Variants in PLCL1 observed in about 807,000 individuals in gnomAD.
The protein encoded by PLCL1 is inactive phospholipase C-like protein 1.
A neutral mutation model predicts 84.4 loss-of-function variants in PLCL1; 41 were observed. The observed-to-expected ratio is 0.49, with a 90% CI of 0.38 to 0.63. PLCL1 has a LOEUF of 0.63. PLCL1 is among the 30% of genes least tolerant of loss of function. The pLI, the probability that PLCL1 is intolerant of heterozygous loss-of-function variation, is 0.00. For synonymous variants in PLCL1, 490 were observed against 488.3 expected, an observed-to-expected ratio of 1.00 and a Z score of -0.05; for missense variants, 1,206 against 1,367.8, an observed-to-expected ratio of 0.88 and a Z score of 1.87.
At chr2:197,837,113 C>T (rs1691208574) in intron 1 of PLCL1, among the ~76,000 whole-genome samples, 1 of 152,022 alleles carries the variant, frequency 6.6e-6, no homozygotes, top group Non-Finnish European at 1.5e-5. Flanking sequence ...AAAGGGAGGC[C>T]ACTTGTGCAT....
At chr2:198,062,907 G>T (rs561561081) in intron 1 of PLCL1, among the ~76,000 whole-genome samples, 1 of 152,216 alleles carries the variant, frequency 6.6e-6, no homozygotes, top group Admixed American at 6.5e-5. Flanking sequence ...AATCACCCTT[G>T]TCTTATTAAA....
In PLCL1 at chr2:197,813,843, T is replaced by A. The variant is rs569912543; in HGVS notation, c.240+8504T>A. On this transcript the variant is annotated intron_variant, in intron 1 of 5. Coordinates refer to ENST00000428675, the MANE Select transcript of PLCL1 (RefSeq NM_006226.4). ...ATCTAGCTCCAGAGGTTGCTTTTAA[T>A]CTTTATGCTATATGTTCTTATCCTC... Among the ~76,000 whole-genome samples the A allele has an allele frequency of 2.0e-5, 3 of 152,308 alleles. No individual in the cohort carries two copies. The South Asian group carries it at 6.2e-4, about 32-fold the overall frequency.
At chr2:197,818,951 G>A (rs191904570) in intron 1 of PLCL1, among the ~76,000 whole-genome samples, 1 of 152,110 alleles carries the variant, frequency 6.6e-6, no homozygotes, top group Admixed American at 6.6e-5. Context: ...GTGAGGGATG[G>A]GAGGGAAAAG....
At chr2:198,094,488 A>G (rs78271887) in intron 3 of PLCL1, among the ~76,000 whole-genome samples, 1,710 of 144,404 alleles carry the variant, frequency 0.012, 17 homozygotes, top group African/African-American at 0.023. Flanking sequence ...ATTTCAGAAG[A>G]AAGGGAAGGC....
intron 1 of PLCL1, among the ~76,000 whole-genome samples, chr2:197,867,806 T>A (rs1330561723): frequency 6.6e-6 from 1 of 152,140 alleles, no homozygotes; most frequent in Non-Finnish European, 1.5e-5. Flanking sequence ...CAGACGTCCT[T>A]ATCAGCAATT....
At chr2:198,116,214 C>T (rs1693745772) in intron 5 of PLCL1, among the ~76,000 whole-genome samples, 1 of 151,458 alleles carries the variant, frequency 6.6e-6, no homozygotes, top group African/African-American at 2.4e-5. Flanking sequence ...GGTTATTTTC[C>T]AGTTTAATTA....
chr2:198,064,320 A>G (rs1692275206), intron 1 of PLCL1, among the ~76,000 whole-genome samples: 1 of 152,164 alleles, frequency 6.6e-6, no homozygotes, highest in Non-Finnish European at 1.5e-5. Flanking sequence ...TTTACTGACT[A>G]GGTTACTATT....
At chr2:198,054,463 C>T (rs1403398116) in intron 1 of PLCL1, among the ~76,000 whole-genome samples, 1 of 152,220 alleles carries the variant, frequency 6.6e-6, no homozygotes, top group African/African-American at 2.4e-5. Flanking sequence ...GAGAGGACAG[C>T]AGTGTGTGGC....
intron 1 of PLCL1, among the ~76,000 whole-genome samples, chr2:197,918,867 G>C (rs573219292): frequency 2.0e-5 from 3 of 152,062 alleles, no homozygotes; most frequent in Admixed American, 6.5e-5. Flanking sequence ...CTTGAGCTTA[G>C]GAGGTTGAGG....
At chr2:198,061,111 C>T (rs1393998897) in intron 1 of PLCL1, among the ~76,000 whole-genome samples, 2 of 152,042 alleles carry the variant, frequency 1.3e-5, no homozygotes, top group Non-Finnish European at 2.9e-5. Context: ...TTGTGGAATT[C>T]TAGTTCCATA....
intron 1 of PLCL1, among the ~76,000 whole-genome samples, chr2:197,855,285 C>T (rs1457724083): frequency 6.6e-6 from 1 of 152,118 alleles, no homozygotes; most frequent in African/African-American, 2.4e-5. Context: ...TAGCTTTGCC[C>T]TTTTTCCTGG....
At chr2:197,822,657 A>G (rs1252686736) in intron 1 of PLCL1, among the ~76,000 whole-genome samples, 1 of 152,152 alleles carries the variant, frequency 6.6e-6, no homozygotes, top group Non-Finnish European at 1.5e-5. Flanking sequence ...CAGGTTAAGT[A>G]TTTGCCCAGA....
At chr2:197,823,307 T>G (rs747026532) in intron 1 of PLCL1, among the ~76,000 whole-genome samples, 1 of 152,134 alleles carries the variant, frequency 6.6e-6, no homozygotes, top group African/African-American at 2.4e-5. Flanking sequence ...GCACTACCAT[T>G]AAAAGGCCCT....
At chr2:198,044,349 C>G (rs1339816742) in intron 1 of PLCL1, among the ~76,000 whole-genome samples, 1 of 152,096 alleles carries the variant, frequency 6.6e-6, no homozygotes, top group African/African-American at 2.4e-5. Context: ...TTTAAATGTC[C>G]TTAAAAAAGC....
intron 3 of PLCL1, among the ~76,000 whole-genome samples, chr2:198,093,323 T>G (rs1478970969): frequency 6.6e-6 from 1 of 152,220 alleles, no homozygotes; most frequent in Non-Finnish European, 1.5e-5. Context: ...AATAGTGGCT[T>G]GTCAATTGTA....
rs572161993 is a variant in PLCL1, at chr2:198,113,171, A to G, written c.3105+9235A>G. Among the ~76,000 whole-genome samples the G allele has an allele frequency of 9.9e-5, 15 of 152,056 alleles. No homozygotes were observed. The East Asian group carries it at 2.9e-3, about 30-fold the overall frequency. On this transcript the variant is annotated intron_variant, in intron 5 of 5. Transcript: ENST00000428675. The stretch of plus-strand genomic sequence containing the variant: ...TGTTATTGTTTGGCTAATTAGTGCA[A>G]AATAAAGACCCTTCTCTCCCACCTC...
intron 1 of PLCL1, among the ~76,000 whole-genome samples, chr2:197,874,845 T>C (rs1390026545): frequency 6.6e-6 from 1 of 152,178 alleles, no homozygotes; most frequent in East Asian, 1.9e-4. Flanking sequence ...ACAACCAAAA[T>C]GTTCTTTAAT....
intron 5 of PLCL1, among the ~76,000 whole-genome samples, chr2:198,126,427 C>G (rs1476166952): frequency 6.6e-6 from 1 of 152,100 alleles, no homozygotes; most frequent in Admixed American, 6.6e-5. Context: ...TTAGGTTTTG[C>G]AGAAAATGAG....
intron 1 of PLCL1, among the ~76,000 whole-genome samples, chr2:197,863,859 T>A (rs921188753): frequency 6.6e-6 from 1 of 152,194 alleles, no homozygotes; most frequent in Non-Finnish European, 1.5e-5. Flanking sequence ...GGACTTTTTT[T>A]ATACTGCAGA....
Sources: allele counts gnomAD v4.1 joint callset (sites outside exome capture counted in the v4.1 genomes callset), GRCh38; gene constraint gnomAD v4.1.1; transcripts MANE v1.5; gene names NCBI Gene and HGNC (gene_info 2026-07-23, HGNC 2026-07-21).